The following NF1 variants were observed in gnomAD, a reference collection of about 807,000 sequenced individuals.
NF1 encodes the protein neurofibromin 1, also known as neurofibromin.
Under a neutral mutation model 325.7 loss-of-function variants are expected in NF1, and 122 were observed. The ratio of observed to expected loss-of-function variants is 0.37; its 90% CI spans 0.32 to 0.44. The LOEUF (loss-of-function observed/expected upper bound fraction) is 0.44. Ranked by LOEUF, NF1 falls within the 20% of genes least tolerant of loss-of-function variation. The probability of loss-of-function intolerance (pLI) is 1.00; values close to 1 mark genes in which losing one functional copy is unlikely to be tolerated. For missense variants in NF1, 2,140 were observed against 3,415.4 expected (o/e 0.63, Z 9.31); for synonymous variants, 1,091 against 1,186.0 (o/e 0.92, Z 1.65).
At chr17:31,339,392 A>G (rs1204653716) in intron 46 of NF1, among the ~76,000 whole-genome samples, 1 of 152,222 alleles carries the variant, frequency 6.6e-6, no homozygotes, top group Non-Finnish European at 1.5e-5. Context: ...TTTATATTTA[A>G]GATATCTGGA....
In NF1 at chr17:31,337,503, C is replaced by T. The variant is rs1555534877; in HGVS notation, c.6563C>T (p.Ser2188Phe). 6.2e-7 allele frequency: 1 copy of T among 1,614,152 alleles called. No homozygotes were observed. The highest frequency in any genetic ancestry group is 8.5e-7 in the Non-Finnish European group (1 of 1,180,004). ...TCCAGTTACCGGGACAGGTCATTCT[C>T]TCCTGGCTCCTATGAGAGAGAGACT... Reference protein sequence around the residue: ...FRSSYRDRSFSPGSYERETFA... With the variant: ...FRSSYRDRSFFPGSYERETFA... Residue 2188 changes from serine to phenylalanine, a missense_variant, in exon 43 of 58, where the codon TCT becomes TTT. Physicochemically the swap from Ser to Phe is radical, Grantham distance 155. Around this residue, in one of 10 missense-constraint regions of NF1, gnomAD observed 180 missense variants for 435.1 expected, o/e 0.41. Transcript: ENST00000358273.
intron 18 of NF1, 23 bp from the exon 19 acceptor site, chr17:31,227,195 G>A (rs753504592): frequency 6.2e-7 from 1 of 1,612,860 alleles, no homozygotes; most frequent in South Asian, 1.1e-5. Flanking sequence ...GCAGTAACTT[G>A]ATTTGCTGTT....
intron 36 of NF1, among the ~76,000 whole-genome samples, chr17:31,293,206 A>G (rs1210400474): frequency 5.4e-5 from 7 of 130,222 alleles, no homozygotes; most frequent in Non-Finnish European, 1.1e-4. Context: ...AAAAAAAAAA[A>G]AAAAAGAAAC....
At chr17:31,155,106 T>C (rs1000059111) in intron 1 of NF1, among the ~76,000 whole-genome samples, 1 of 152,224 alleles carries the variant, frequency 6.6e-6, no homozygotes, top group African/African-American at 2.4e-5. Flanking sequence ...CCTCGGTCTC[T>C]TTCCACCTTT....
intron 1 of NF1, among the ~76,000 whole-genome samples, chr17:31,152,401 A>G (rs1917008146): frequency 6.7e-6 from 1 of 150,164 alleles, no homozygotes; most frequent in Non-Finnish European, 1.5e-5. Context: ...ACTTTATTCC[A>G]TTGGTTTGGT....
At chr17:31,248,220 CAAA>C (rs34071215) in intron 29 of NF1, among the ~76,000 whole-genome samples, 1 of 126,196 alleles carries the variant, frequency 7.9e-6, no homozygotes. Flanking sequence ...CACCCCCCAC[CAAA>C]AAAAAAAAAC....
intron 29 of NF1, among the ~76,000 whole-genome samples, chr17:31,239,681 A>G (rs1346469468): frequency 2.6e-5 from 4 of 152,312 alleles, no homozygotes; most frequent in Admixed American, 2.0e-4. Context: ...TATGGGGTAC[A>G]TGAAATATTT....
intron 29 of NF1, among the ~76,000 whole-genome samples, chr17:31,243,224 G>A (rs2067335013): frequency 6.6e-6 from 1 of 151,566 alleles, no homozygotes; most frequent in Non-Finnish European, 1.5e-5. Flanking sequence ...TGAGCTGCCT[G>A]GAGCTGGGGG....
At chr17:31,314,929 G>A (rs1015102262) in intron 36 of NF1, among the ~76,000 whole-genome samples, 1 of 152,124 alleles carries the variant, frequency 6.6e-6, no homozygotes, top group African/African-American at 2.4e-5. Context: ...AACAGCGTAC[G>A]AGAGTTCCAT....
intron 5 of NF1, among the ~76,000 whole-genome samples, chr17:31,179,577 C>T (rs887327075): frequency 2.0e-5 from 3 of 151,978 alleles, no homozygotes; most frequent in South Asian, 2.1e-4. Flanking sequence ...CTCCTGACCT[C>T]GTGATCCGCC....
At chr17:31,325,042 G>T (rs778835104) in intron 36 of NF1, among the ~76,000 whole-genome samples, 1 of 152,134 alleles carries the variant, frequency 6.6e-6, no homozygotes. Flanking sequence ...CCTCACTGTG[G>T]CTGCTCCCAT....
Position 31,211,310 on chromosome 17 carries a change from T to C in NF1, c.1393-3141T>C, listed in dbSNP as rs558704847. The stretch of plus-strand genomic sequence containing the variant: ...ACACATTGCTTCTTTAGCATGTTTT[T>C]CCTCACTTTCTGTAACCCACTAAAA... On this transcript the variant is annotated intron_variant, in intron 12 of 57. Coordinates refer to ENST00000358273, the MANE Select transcript of NF1 (RefSeq NM_001042492.3). 6.6e-4 allele frequency among the ~76,000 whole-genome samples: 100 copies of C among 152,376 alleles called. 1 individual carries two copies. In the Middle Eastern group the frequency reaches 0.02, roughly 31 times the overall value.
At chr17:31,140,388 C>T (rs113023227) in intron 1 of NF1, among the ~76,000 whole-genome samples, 2,218 of 152,254 alleles carry the variant, frequency 0.015, 61 homozygotes, top group African/African-American at 0.051. Context: ...TACTTGTGCT[C>T]AGTAAGTGCT....
At chr17:31,273,260 CTAAAGAGGT>C (rs2067937542) in intron 36 of NF1, among the ~76,000 whole-genome samples, 1 of 152,228 alleles carries the variant, frequency 6.6e-6, no homozygotes, top group East Asian at 1.9e-4. Context: ...TACCCAAAGA[CTAAAGAGGT>C]TAAACCAAAG....
intron 43 of NF1, 77 bp downstream of exon 43, chr17:31,337,659 T>C: frequency 1.4e-6 from 2 of 1,453,518 alleles, no homozygotes; most frequent in Non-Finnish European, 1.9e-6. Flanking sequence ...AGAAGAAATA[T>C]TGGTTTATTG....
At chr17:31,117,604 C>T (rs71373664) in intron 1 of NF1, among the ~76,000 whole-genome samples, 10 of 125,282 alleles carry the variant, frequency 8.0e-5, no homozygotes, top group Non-Finnish European at 1.4e-4. Flanking sequence ...ACACGGGAGG[C>T]GGAGCTTGCA....
chr17:31,230,331 T>C lies in NF1; in HGVS notation c.3062T>C (p.Val1021Ala). 6.2e-7 allele frequency: 1 copy of C among 1,613,532 alleles called. No individual in the cohort carries two copies. Among genetic ancestry groups the C allele is most frequent in the South Asian group, 1.1e-5 (1 of 91,066 alleles). ...ACGAAACTGTGTCAATTAGTTGAAGTAATGATGGCAAGGAGAGATGACCTC... is the reference window on the plus strand; with the variant it reads ...ACGAAACTGTGTCAATTAGTTGAAGCAATGATGGCAAGGAGAGATGACCTC... Reference protein sequence around the residue: ...IKTKLCQLVEVMMARRDDLSF... With the variant: ...IKTKLCQLVEAMMARRDDLSF... The change falls in exon 23 of 58, where the codon GTA (valine) becomes GCA (alanine). Residue 1021 changes from valine to alanine, a missense_variant. This residue lies in a region of NF1 where 380 missense variants were observed against 639.3 expected (regional missense o/e 0.59). Coordinates refer to ENST00000358273, the MANE Select transcript of NF1 (RefSeq NM_001042492.3).
chr17:31,129,171 G>T (rs1234571091), intron 1 of NF1, among the ~76,000 whole-genome samples: 1 of 152,094 alleles, frequency 6.6e-6, no homozygotes, highest in African/African-American at 2.4e-5. Flanking sequence ...GAATTTGAAT[G>T]TTGACTTCTC....
rs2066253990 is a variant in NF1 at position 31,187,107 on chromosome 17, A to C, written c.888+4442A>C. On this transcript the variant is annotated intron_variant, in intron 8 of 57. Coordinates refer to ENST00000358273, the MANE Select transcript of NF1 (RefSeq NM_001042492.3). ...CTCACCAAAGGCCTTACCCACCATC[A>C]TGGTATTCCACACAGCATTGCCTCT... 3.3e-5 allele frequency among the ~76,000 whole-genome samples: 5 copies of C among 152,212 alleles called. No individual in the cohort carries two copies. The South Asian group carries it at 1.0e-3, about 32-fold the overall frequency.
Sources: gnomAD v4.1 joint callset for allele counts (sites outside exome capture counted in the v4.1 genomes callset) on GRCh38, gnomAD v4.1.1 for gene constraint, gnomAD v4.1.1 regional missense constraint, MANE v1.5 for transcripts, NCBI Gene and HGNC (gene_info 2026-07-23, HGNC 2026-07-21) for gene names.